Variants in NOS1 observed in about 807,000 individuals in gnomAD.
NOS1 encodes NOS type I.
NOS1 carries 51 observed loss-of-function variants against 164.5 expected under a neutral mutation model. The observed-to-expected ratio is 0.31, with a 90% CI of 0.25 to 0.39. NOS1 has a LOEUF of 0.39. NOS1 is among the 10% of genes least tolerant of loss of function. NOS1 has a pLI of 1.00. For synonymous variants in NOS1, 719 were observed against 745.8 expected (o/e 0.96, Z 0.59); for missense variants, 1,362 against 1,885.6 (o/e 0.72, Z 5.14).
intron 20 of NOS1, among the ~76,000 whole-genome samples, chr12:117,237,139 A>G (rs916961316): frequency 3.3e-5 from 5 of 151,980 alleles, no homozygotes; most frequent in Non-Finnish European, 5.9e-5. Flanking sequence ...GTAAGTAGAG[A>G]ATTTTTAGCA....
intron 2 of NOS1, among the ~76,000 whole-genome samples, chr12:117,317,128 G>A (rs138846059): frequency 4.7e-4 from 71 of 152,172 alleles, no homozygotes; most frequent in Admixed American, 2.1e-3. Context: ...TGATCTATCC[G>A]CCTCGGCCTC....
At chr12:117,258,839 C>A (rs1023079975) in intron 15 of NOS1, among the ~76,000 whole-genome samples, 187 bp downstream of exon 15, 1 of 152,176 alleles carries the variant, frequency 6.6e-6, no homozygotes, top group African/African-American at 2.4e-5. Context: ...AACTAATGGA[C>A]GCCAGTAGAC....
chr12:117,208,768 G>C lies in NOS1; in HGVS notation c.*6541C>G. ...CCACAGGGTCTCATTCTGTCAACAA[G>C]CTGGAGTGCAGTGGTGCCATCTCGG... On this transcript the variant is annotated 3_prime_UTR_variant, in exon 29 of 29. Coordinates refer to ENST00000317775, the MANE Select transcript of NOS1 (RefSeq NM_000620.5). 2.0e-6 allele frequency: 2 copies of C among 985,220 alleles called. No individual in the cohort carries two copies. The highest frequency in any genetic ancestry group is 8.7e-5 in the South Asian group (2 of 22,922). 61.0% of individuals were successfully genotyped at this position (985,220 alleles called of 1,614,324 possible).
At chr12:117,265,703 G>C (rs1485522093) in intron 11 of NOS1, among the ~76,000 whole-genome samples, 193 bp from the exon 12 acceptor site, 1 of 152,014 alleles carries the variant, frequency 6.6e-6, no homozygotes, top group African/African-American at 2.4e-5. Flanking sequence ...GTCTTCGTTG[G>C]GTGCTATTGT....
intron 2 of NOS1, among the ~76,000 whole-genome samples, chr12:117,315,277 C>A (rs1874619727): frequency 6.6e-6 from 1 of 152,024 alleles, no homozygotes; most frequent in African/African-American, 2.4e-5. Flanking sequence ...GATCTTGGCT[C>A]ACTGTAACGT....
In NOS1 at chr12:117,215,323, C is replaced by A; in HGVS notation, c.4291G>T (p.Val1431Phe). Residue 1431 changes from valine (V) to phenylalanine (F), a missense_variant and splice_region_variant, in exon 29 of 29, where the codon GTT (valine) becomes TTT (phenylalanine). This residue lies in a region of NOS1 where 737 missense variants were observed against 1,030.3 expected (regional missense o/e 0.72). Coordinates refer to ENST00000317775, the MANE Select transcript of NOS1 (RefSeq NM_000620.5). ...AGAGGGTCCAGTTAGGAGCTGAAAA[C>A]CCTGTGGAAAGAGAAGTTGGGGGGC... ...IEESKKDTDE[V>F]FSS The A allele has an allele frequency of 6.5e-7, 1 of 1,547,018 alleles. No individual in the cohort carries two copies. Among genetic ancestry groups the A allele is most frequent in the Non-Finnish European group, 8.7e-7 (1 of 1,144,840 alleles).
chr12:117,311,543 C>T lies in NOS1; in HGVS notation c.775G>A (p.Asp259Asn), dbSNP rs777022692. ...CCCCATAGGTCATTGAAGACTCGGT[C>T]GTTCTCCACGCCGAGGGGCAGAGGT... ...HKPLPLGVENDRVFNDLWGKG... is the reference protein window; with the variant it reads ...HKPLPLGVENNRVFNDLWGKG... The change falls in exon 3 of 29, where the codon GAC becomes AAC. Residue 259 changes from aspartate to asparagine, a missense_variant. By Grantham distance (23) the Asp-to-Asn change is conservative (BLOSUM62 1). This residue lies in a region of NOS1 where 362 missense variants were observed against 402.0 expected (regional missense o/e 0.90). Coordinates refer to ENST00000317775, the MANE Select transcript of NOS1 (RefSeq NM_000620.5). 3.0e-5 allele frequency: 49 copies of T among 1,612,994 alleles called. No individual in the cohort carries two copies. The highest frequency in any genetic ancestry group is 8.3e-5 in the Admixed American group (5 of 59,890).
intron 3 of NOS1, chr12:117,305,116 C>A (rs1307859917): frequency 1.0e-6 from 1 of 969,990 alleles, no homozygotes; most frequent in African/African-American, 1.8e-5. Context: ...CAATGCTAGG[C>A]CCCCTGTGGA....
intron 2 of NOS1, among the ~76,000 whole-genome samples, chr12:117,326,278 C>T (rs981803523): frequency 6.6e-6 from 1 of 151,614 alleles, no homozygotes; most frequent in East Asian, 2.0e-4. Context: ...CCCAGCTACT[C>T]GGGAGGCTGA....
chr12:117,208,512 C>T lies in NOS1; in HGVS notation c.*6797G>A. 1 of 1,229,448 alleles carries T rather than the reference C, an allele frequency of 8.1e-7. No homozygotes were observed. Among genetic ancestry groups the T allele is most frequent in the Admixed American group, 2.7e-5 (1 of 37,712 alleles). 76.2% of individuals were successfully genotyped at this position (1,229,448 alleles called of 1,614,324 possible). A position where few individuals can be genotyped will look rare whatever the true frequency, so the allele number is the denominator to read the frequency against. ...GGGGTGCCCGGCACCGCTCTTTGGG[C>T]CTTCTGGAAAACCACTGCTGAGCCA... On this transcript the variant is annotated 3_prime_UTR_variant, in exon 29 of 29. Transcript: ENST00000317775.
chr12:117,254,936 A>T (rs115664088), intron 16 of NOS1, among the ~76,000 whole-genome samples: 263 of 152,328 alleles, frequency 1.7e-3, no homozygotes, highest in African/African-American at 6.1e-3. Context: ...AGTAAATATG[A>T]ACAATGTTCA....
In NOS1 at chr12:117,259,107, G is replaced by A; in HGVS notation, c.2391C>T (p.Asp797=). 6.2e-7 allele frequency: 1 copy of A among 1,613,960 alleles called. No individual in the cohort carries two copies. The highest frequency in any genetic ancestry group is 8.5e-7 in the Non-Finnish European group (1 of 1,179,876). ...DAKVMSMEEY[D]IVHLEHETLV... ...GAGTTTCATGTTCCAGGTGCACAATGTCATATTCTTCCATGGACATCACCT... is the reference window on the plus strand; with the variant it reads ...GAGTTTCATGTTCCAGGTGCACAATATCATATTCTTCCATGGACATCACCT... Residue 797 remains aspartate (D), a synonymous_variant, in exon 15 of 29, where the codon GAC becomes GAT. Coordinates refer to ENST00000317775, the MANE Select transcript of NOS1 (RefSeq NM_000620.5).
intron 28 of NOS1, 93 bp from the exon 29 acceptor site, chr12:117,215,417 G>T: frequency 7.3e-7 from 1 of 1,363,608 alleles, no homozygotes; most frequent in Non-Finnish European, 9.6e-7. Context: ...CATGCTCTGG[G>T]CTCAGGGGCT....
At chr12:117,237,983 G>A (rs745837379) in intron 20 of NOS1, among the ~76,000 whole-genome samples, 5 of 152,134 alleles carry the variant, frequency 3.3e-5, no homozygotes, top group African/African-American at 1.2e-4. Flanking sequence ...AAGCAGAGAC[G>A]TGCAAAGACC....
chr12:117,258,190 G>A (rs1272953629), intron 16 of NOS1, among the ~76,000 whole-genome samples: 4 of 152,164 alleles, frequency 2.6e-5, no homozygotes, highest in African/African-American at 7.2e-5. Context: ...GATAGAAAAG[G>A]AAACTGAGGC....
At chr12:117,303,340 G>T (rs1034228809) in intron 3 of NOS1, among the ~76,000 whole-genome samples, 2 of 152,180 alleles carry the variant, frequency 1.3e-5, no homozygotes, top group African/African-American at 4.8e-5. Flanking sequence ...AAGCTGGGGG[G>T]TGCTGTCATT....
chr12:117,358,531 C>T (rs1301295836), intron 1 of NOS1, among the ~76,000 whole-genome samples: 1 of 152,224 alleles, frequency 6.6e-6, no homozygotes, highest in Non-Finnish European at 1.5e-5. Flanking sequence ...TCCTTCCTTA[C>T]AATCACCAGT....
chr12:117,260,378 G>T (rs1034126385), intron 14 of NOS1, 87 bp downstream of exon 14: 2 of 1,487,836 alleles, frequency 1.3e-6, no homozygotes, highest in South Asian at 1.2e-5. Flanking sequence ...TTTGCCAAAG[G>T]CTTCTTCTCT....
In NOS1 at chr12:117,243,430, G is replaced by A; in HGVS notation, c.2829C>T (p.Ala943=). ...CATCTCCCACACAGAAGACATCACAGGCTGCCTGTGGTGTACACAAGGCTT... is the reference window on the plus strand; with the variant it reads ...CATCTCCCACACAGAAGACATCACAAGCTGCCTGTGGTGTACACAAGGCTT... The part of the protein sequence containing the change: ...RTWAKKVFKA[A]CDVFCVGDDV... Residue 943 remains alanine, a synonymous_variant, in exon 19 of 29, where the codon GCC becomes GCT. Transcript: ENST00000317775. The surrounding 1 kb of genome is among the most constrained non-coding windows in gnomAD (Gnocchi z 4.3). 1 of 1,614,010 alleles carries A rather than the reference G, an allele frequency of 6.2e-7. No individual in the cohort carries two copies. Among genetic ancestry groups the A allele is most frequent in the Non-Finnish European group, 8.5e-7 (1 of 1,179,972 alleles).
Sources: allele counts gnomAD v4.1 joint callset (sites outside exome capture counted in the v4.1 genomes callset), GRCh38; gene constraint gnomAD v4.1.1; regional missense constraint gnomAD v4.1.1; non-coding constraint Gnocchi (gnomAD v3.1); transcripts MANE v1.5; gene names NCBI Gene and HGNC (gene_info 2026-07-23, HGNC 2026-07-21).